Variants in SPPL3 observed in about 807,000 individuals in gnomAD.
SPPL3 encodes signal peptide peptidase like 3.
A neutral mutation model predicts 42.4 loss-of-function variants in SPPL3; 5 were observed. The observed-to-expected ratio is 0.12, with a 90% CI of 0.06 to 0.25. SPPL3 has a LOEUF of 0.25. Ranked by LOEUF, SPPL3 falls within the 10% of genes least tolerant of loss-of-function variation. The probability of loss-of-function intolerance (pLI) is 1.00; values close to 1 mark genes in which losing one functional copy is unlikely to be tolerated. For missense variants in SPPL3, 235 were observed against 489.0 expected, an observed-to-expected ratio of 0.48 and a Z score of 4.90; for synonymous variants, 195 against 181.8, an observed-to-expected ratio of 1.07 and a Z score of -0.58.
At chr12:120,800,625 T>C (rs894221175) in intron 2 of SPPL3, among the ~76,000 whole-genome samples, 1 of 152,112 alleles carries the variant, frequency 6.6e-6, no homozygotes, top group Admixed American at 6.5e-5. Flanking sequence ...AAAAAATCCA[T>C]CTAAATTATA....
At chr12:120,783,523 G>T in intron 5 of SPPL3, 151 bp downstream of exon 5, 2 of 648,290 alleles carry the variant, frequency 3.1e-6, no homozygotes, top group Non-Finnish European at 5.1e-6. Flanking sequence ...ACTAGCTTCT[G>T]GCTTTAAAGA....
intron 1 of SPPL3, among the ~76,000 whole-genome samples, chr12:120,821,122 G>A (rs934184652): frequency 6.6e-6 from 1 of 152,224 alleles, no homozygotes; most frequent in African/African-American, 2.4e-5. Context: ...CTTCAAGGCA[G>A]TAAAGATGAT....
At chr12:120,880,607 T>C (rs1593009132) in intron 1 of SPPL3, among the ~76,000 whole-genome samples, 1 of 151,758 alleles carries the variant, frequency 6.6e-6, no homozygotes, top group African/African-American at 2.4e-5. Context: ...GCTAACACGG[T>C]GAAACCCATC....
chr12:120,869,787 A>G (rs1413832099), intron 1 of SPPL3, among the ~76,000 whole-genome samples: 1 of 152,248 alleles, frequency 6.6e-6, no homozygotes, highest in Non-Finnish European at 1.5e-5. Context: ...ATCTAAGCAT[A>G]CTACAAATAT....
chr12:120,887,167 C>G (rs1005280143), intron 1 of SPPL3, among the ~76,000 whole-genome samples: 1 of 152,026 alleles, frequency 6.6e-6, no homozygotes, highest in African/African-American at 2.4e-5. Flanking sequence ...CCAGGCTGGT[C>G]TCGAACTCCT....
chr12:120,862,782 C>G (rs1009462809), intron 1 of SPPL3, among the ~76,000 whole-genome samples: 3 of 152,064 alleles, frequency 2.0e-5, no homozygotes, highest in Non-Finnish European at 2.9e-5. Flanking sequence ...CCTGGCTGGG[C>G]TCAATCTCCA....
At chr12:120,867,282 G>A (rs911500515) in intron 1 of SPPL3, among the ~76,000 whole-genome samples, 2 of 152,144 alleles carry the variant, frequency 1.3e-5, no homozygotes, top group Non-Finnish European at 2.9e-5. Context: ...TCCATGCATG[G>A]CAAAGTTTAT....
At chr12:120,802,158 A>T (rs558489820) in intron 2 of SPPL3, among the ~76,000 whole-genome samples, 1 of 152,096 alleles carries the variant, frequency 6.6e-6, no homozygotes, top group South Asian at 2.1e-4. Context: ...GGAAGATTCT[A>T]GGCCTGCCTT....
intron 1 of SPPL3, among the ~76,000 whole-genome samples, chr12:120,882,801 A>G (rs1873332816): frequency 6.6e-6 from 1 of 152,118 alleles, no homozygotes; most frequent in Non-Finnish European, 1.5e-5. Flanking sequence ...AGCCAAGGCG[A>G]AAGATTGCTT....
intron 2 of SPPL3, among the ~76,000 whole-genome samples, chr12:120,805,199 T>TGACC: frequency 6.6e-6 from 1 of 152,324 alleles, no homozygotes; most frequent in Non-Finnish European, 1.5e-5. Flanking sequence ...CACTGAATTG[T>TGACC]ATACTTTAAG....
Position 120,767,612 on chromosome 12 carries a change from G to A in SPPL3, c.774-19C>T. On this transcript the variant is annotated intron_variant, in intron 8 of 10. Coordinates refer to ENST00000353487, the MANE Select transcript of SPPL3 (RefSeq NM_139015.5). The stretch of plus-strand genomic sequence containing the variant: ...AGTGGAGCTGGAATGCAGTTTCACA[G>A]GTTAGTGACGTCACACTCTACAATC... The A allele has an allele frequency of 1.2e-6, 2 of 1,612,892 alleles. No individual in the cohort carries two copies. The highest frequency in any genetic ancestry group is 1.7e-6 in the Non-Finnish European group (2 of 1,178,996).
At chr12:120,800,609 AC>A (rs1199404929) in intron 2 of SPPL3, among the ~76,000 whole-genome samples, 1 of 152,160 alleles carries the variant, frequency 6.6e-6, no homozygotes, top group Non-Finnish European at 1.5e-5. Flanking sequence ...ATTTACCATC[AC>A]AGAAAAAAAA....
intron 1 of SPPL3, among the ~76,000 whole-genome samples, chr12:120,841,230 C>A (rs1871819038): frequency 6.6e-6 from 1 of 151,852 alleles, no homozygotes; most frequent in Non-Finnish European, 1.5e-5. Context: ...GAGGCTGAGG[C>A]AGGAGAATCG....
rs527339173 is a variant in SPPL3 at position 120,781,555 on chromosome 12, G to GTTTT, written c.502+1096_502+1099dup. Reference sequence around the variant, plus strand: ...TCTAATCCCATCTCCTTATTGTTACGTTTTTTTTTTTTTTTTTTTTTTTTT... The same window carrying GTTTT: ...TCTAATCCCATCTCCTTATTGTTACGTTTTTTTTTTTTTTTTTTTTTTTTTTTTT... On this transcript the variant is annotated intron_variant, in intron 6 of 10. Coordinates refer to ENST00000353487, the MANE Select transcript of SPPL3 (RefSeq NM_139015.5). Among the ~76,000 whole-genome samples, 10 of 63,010 alleles carry GTTTT rather than the reference G, an allele frequency of 1.6e-4. 1 individual carries two copies. The highest frequency in any genetic ancestry group is 4.1e-4 in the African/African-American group (6 of 14,642). The allele number at this position is 63,010 out of a possible 152,430, so 41.3% of individuals were successfully genotyped here.
At chr12:120,841,042 C>T (rs1361510352) in intron 1 of SPPL3, among the ~76,000 whole-genome samples, 2 of 151,946 alleles carry the variant, frequency 1.3e-5, no homozygotes, top group East Asian at 3.9e-4. Flanking sequence ...AAAAAAGAAA[C>T]AGGCTGGGTG....
At chr12:120,863,185 T>C (rs660549) in intron 1 of SPPL3, among the ~76,000 whole-genome samples, 52,976 of 151,608 alleles carry the variant, frequency 0.35, 10,023 homozygotes, top group East Asian at 0.45. Flanking sequence ...CTATCTTTAC[T>C]AAAAATACAA....
chr12:120,821,160 C>G (rs1044543616), intron 1 of SPPL3, among the ~76,000 whole-genome samples: 1 of 152,184 alleles, frequency 6.6e-6, no homozygotes. Flanking sequence ...TCAAATACAT[C>G]TTATTGCCTA....
chr12:120,832,431 G>C (rs1800486913), intron 1 of SPPL3, among the ~76,000 whole-genome samples: 1 of 152,164 alleles, frequency 6.6e-6, no homozygotes, highest in African/African-American at 2.4e-5. Flanking sequence ...CAGCACTTTG[G>C]GAGGCCAAGG....
chr12:120,878,256 T>A (rs761300840), intron 1 of SPPL3, among the ~76,000 whole-genome samples: 1 of 152,140 alleles, frequency 6.6e-6, no homozygotes, highest in Non-Finnish European at 1.5e-5. Context: ...AGAAGGAATA[T>A]ACCAGAATAT....
Sources: gnomAD v4.1 joint callset for allele counts (sites outside exome capture counted in the v4.1 genomes callset) on GRCh38, gnomAD v4.1.1 for gene constraint, MANE v1.5 for transcripts, NCBI Gene and HGNC (gene_info 2026-07-23, HGNC 2026-07-21) for gene names.